Variants in FBXW2 observed in about 807,000 individuals in gnomAD.
The protein encoded by FBXW2 is F-box and WD repeat domain containing 2.
A neutral mutation model predicts 46.0 loss-of-function variants in FBXW2; 12 were observed. The ratio of observed to expected loss-of-function variants is 0.26; its 90% CI spans 0.17 to 0.42. FBXW2 has a LOEUF of 0.42. Ranked by LOEUF, FBXW2 falls within the 10% of genes least tolerant of loss-of-function variation. The pLI, the probability that FBXW2 is intolerant of heterozygous loss-of-function variation, is 1.00. For synonymous variants in FBXW2, 203 were observed against 209.6 expected, an observed-to-expected ratio of 0.97 and a Z score of 0.27; for missense variants, 360 against 537.0, an observed-to-expected ratio of 0.67 and a Z score of 3.26.
At chr9:120,787,635 G>T in intron 3 of FBXW2, 134 bp downstream of exon 3, 2 of 870,238 alleles carry the variant, frequency 2.3e-6, no homozygotes, top group East Asian at 2.6e-5. Flanking sequence ...GAACCACTCA[G>T]GATTAGAGAA....
intron 7 of FBXW2, among the ~76,000 whole-genome samples, chr9:120,766,203 A>T (rs1205627589): frequency 6.6e-6 from 1 of 151,922 alleles, no homozygotes; most frequent in Non-Finnish European, 1.5e-5. Flanking sequence ...GCTGAAGGCT[A>T]TCAGCTGAGA....
chr9:120,781,969 G>A (rs1218767898), intron 3 of FBXW2, among the ~76,000 whole-genome samples: 3 of 149,010 alleles, frequency 2.0e-5, no homozygotes, highest in Non-Finnish European at 4.4e-5. Context: ...GTTGCGGTGA[G>A]CCAAGATGGC....
In FBXW2 at chr9:120,791,833, A is replaced by G. The variant is rs147665576; in HGVS notation, c.-21+1316T>C. Among the ~76,000 whole-genome samples the G allele has an allele frequency of 5.8e-3, 878 of 152,064 alleles. 11 individuals are homozygous for G. The highest frequency in any genetic ancestry group is 0.02 in the African/African-American group (828 of 41,494). On this transcript the variant is annotated intron_variant, in intron 2 of 7. Transcript: ENST00000608872. The stretch of plus-strand genomic sequence containing the variant: ...CCCTGCTGTTTGGCCCCCTTACCCT[A>G]CGTCCCTACCCCAGAGTTAACATTC...
Position 120,771,383 on chromosome 9 carries a change from G to A in FBXW2, c.1041C>T (p.Leu347=), listed in dbSNP as rs778988368. 6.2e-7 allele frequency: 1 copy of A among 1,613,914 alleles called. No individual in the cohort carries two copies. Among genetic ancestry groups the A allele is most frequent in the South Asian group, 1.1e-5 (1 of 91,008 alleles). The change falls in exon 7 of 8, where the codon CTC becomes CTT. Residue 347 remains leucine (L), a synonymous_variant. Transcript: ENST00000608872. ...CATAACTGGCAAAGTCCCACTGGTA[G>A]AGACCAAGTGCTGAACTACAGACAA... ...KYIVCSSALG[L]YQWDFASYDI... is the part of the protein sequence containing the mutation.
chr9:120,789,198 C>T (rs1326947913), intron 2 of FBXW2, among the ~76,000 whole-genome samples: 1 of 152,190 alleles, frequency 6.6e-6, no homozygotes, highest in African/African-American at 2.4e-5. Flanking sequence ...AGCCACAGAA[C>T]AGACTGGACG....
chr9:120,787,342 T>G (rs1467904139), intron 3 of FBXW2, among the ~76,000 whole-genome samples: 1 of 152,168 alleles, frequency 6.6e-6, no homozygotes, highest in East Asian at 1.9e-4. Context: ...TTTCCCATAT[T>G]TTAAAGATAC....
chr9:120,767,651 G>A (rs1354325811), intron 7 of FBXW2, among the ~76,000 whole-genome samples: 3 of 152,034 alleles, frequency 2.0e-5, no homozygotes, highest in Admixed American at 1.3e-4. Flanking sequence ...CCAGGATTTC[G>A]GCAGTGAATA....
chr9:120,792,594 T>C (rs1030811738), intron 2 of FBXW2: 18 of 190,210 alleles, frequency 9.5e-5, no homozygotes, highest in African/African-American at 3.1e-4. Context: ...TTTTAAAGCT[T>C]TGAAAGAATA....
intron 3 of FBXW2, among the ~76,000 whole-genome samples, chr9:120,782,707 T>G (rs962879227): frequency 5.9e-5 from 9 of 152,088 alleles, no homozygotes; most frequent in Admixed American, 5.9e-4. Context: ...CTGGGCATGG[T>G]GGCACACACA....
chr9:120,784,699 C>G (rs1034857383), intron 3 of FBXW2, among the ~76,000 whole-genome samples: 1 of 151,654 alleles, frequency 6.6e-6, no homozygotes, highest in Non-Finnish European at 1.5e-5. Flanking sequence ...GCAGGCAGAT[C>G]ATCTGAGATC....
At chr9:120,789,843 G>A (rs902123603) in intron 2 of FBXW2, among the ~76,000 whole-genome samples, 4 of 152,174 alleles carry the variant, frequency 2.6e-5, no homozygotes, top group African/African-American at 9.7e-5. Flanking sequence ...ACCAAACCTT[G>A]CAATCACATC....
intron 2 of FBXW2, 149 bp from the exon 3 acceptor site, chr9:120,788,427 A>G (rs2131376139): frequency 1.5e-6 from 1 of 681,272 alleles, no homozygotes; most frequent in Middle Eastern, 4.2e-4. Flanking sequence ...TTAATACACC[A>G]TATTTATCTG....
intron 7 of FBXW2, among the ~76,000 whole-genome samples, chr9:120,765,657 G>A (rs2044263609): frequency 6.6e-6 from 1 of 152,196 alleles, no homozygotes; most frequent in African/African-American, 2.4e-5. Flanking sequence ...TGAAAGCCAA[G>A]TGACTAAAGT....
At chr9:120,781,332 T>C (rs1017819373) in intron 3 of FBXW2, among the ~76,000 whole-genome samples, 1 of 152,274 alleles carries the variant, frequency 6.6e-6, no homozygotes, top group African/African-American at 2.4e-5. Flanking sequence ...TAAAGAACTA[T>C]TTGGAATCAT....
chr9:120,792,718 G>C (rs537523786), intron 2 of FBXW2, among the ~76,000 whole-genome samples: 120 of 152,142 alleles, frequency 7.9e-4, no homozygotes, highest in Non-Finnish European at 1.5e-3. Context: ...ATACAGCCAA[G>C]AGCATTACCT....
chr9:120,772,134 A>G (rs1295563332), intron 6 of FBXW2, among the ~76,000 whole-genome samples: 1 of 151,750 alleles, frequency 6.6e-6, no homozygotes, highest in East Asian at 1.9e-4. Flanking sequence ...GCAATTCATT[A>G]CAATAAATAT....
intron 3 of FBXW2, among the ~76,000 whole-genome samples, chr9:120,784,869 C>T (rs1424326121): frequency 2.7e-5 from 4 of 147,234 alleles, no homozygotes; most frequent in African/African-American, 1.0e-4. Flanking sequence ...TGCAGTGAGC[C>T]GAGACTGCGC....
chr9:120,793,261 C>A lies in FBXW2; in HGVS notation c.-129-4G>T. Reference sequence around the variant, plus strand: ...GTCCGCTCCGCAGCCATGGCGCCTGCAGGGAAAGAAAAACAGCCAAGGCGC... The same window carrying A: ...GTCCGCTCCGCAGCCATGGCGCCTGAAGGGAAAGAAAAACAGCCAAGGCGC... On this transcript the variant is annotated splice_region_variant and splice_polypyrimidine_tract_variant and intron_variant, in intron 1 of 7. Coordinates refer to ENST00000608872, the MANE Select transcript of FBXW2 (RefSeq NM_012164.4). 1 of 463,090 alleles carries A rather than the reference C, an allele frequency of 2.2e-6. No individual in the cohort carries two copies. The highest frequency in any genetic ancestry group is 3.8e-6 in the Non-Finnish European group (1 of 263,614). 28.7% of individuals were successfully genotyped at this position (463,090 alleles called of 1,614,324 possible).
intron 3 of FBXW2, among the ~76,000 whole-genome samples, chr9:120,779,787 C>T (rs10985034): frequency 2.0e-5 from 3 of 151,986 alleles, no homozygotes; most frequent in Admixed American, 6.6e-5. Context: ...TGGTCTAGAA[C>T]GGTGCTATCC....
Sources: gnomAD v4.1 joint callset for allele counts (sites outside exome capture counted in the v4.1 genomes callset) on GRCh38, gnomAD v4.1.1 for gene constraint, MANE v1.5 for transcripts, NCBI Gene and HGNC (gene_info 2026-07-23, HGNC 2026-07-21) for gene names.